The following PPP1R8 variants were observed in gnomAD, a reference collection of about 807,000 sequenced individuals.
The protein encoded by PPP1R8 is nuclear inhibitor of protein phosphatase 1.
Under a neutral mutation model 31.3 loss-of-function variants are expected in PPP1R8, and 4 were observed. The ratio of observed to expected loss-of-function variants is 0.13; its 90% CI spans 0.06 to 0.29. The LOEUF (loss-of-function observed/expected upper bound fraction) is 0.29. PPP1R8 is among the 10% of genes least tolerant of loss of function. PPP1R8 has a pLI of 1.00. For synonymous variants in PPP1R8, 170 were observed against 169.7 expected (o/e 1.00, Z -0.01); for missense variants, 254 against 440.1 (o/e 0.58, Z 3.78).
chr1:27,836,454 C>T (rs1041381063), intron 2 of PPP1R8, among the ~76,000 whole-genome samples: 56 of 152,240 alleles, frequency 3.7e-4, no homozygotes, highest in African/African-American at 1.2e-3. Flanking sequence ...CTTGCTCTGT[C>T]GCCCAGGCTG....
intron 6 of PPP1R8, among the ~76,000 whole-genome samples, chr1:27,849,824 C>A (rs1248708228): frequency 6.6e-6 from 1 of 151,668 alleles, no homozygotes; most frequent in African/African-American, 2.4e-5. Context: ...GTAAAACTCA[C>A]AACACCATCC....
At position 27,851,265 on chromosome 1, in the gene PPP1R8, G is replaced by T. The variant is rs143182010; in HGVS notation, c.*819G>T. On this transcript the variant is annotated 3_prime_UTR_variant, in exon 7 of 7. Coordinates refer to ENST00000311772, the MANE Select transcript of PPP1R8 (RefSeq NM_014110.5). The stretch of plus-strand genomic sequence containing the variant: ...GGGTAATTCAAATTAAAAAGGAAAA[G>T]ATTTGTTTGGAAGTAACTGGTGTCT... 259 of 292,554 alleles carry T rather than the reference G, an allele frequency of 8.9e-4. No individual in the cohort carries two copies. Among genetic ancestry groups the T allele is most frequent in the Admixed American group, 2.3e-3 (54 of 23,050 alleles). 18.1% of individuals were successfully genotyped at this position (292,554 alleles called of 1,614,324 possible). A position where few individuals can be genotyped will look rare whatever the true frequency, so the allele number is the denominator to read the frequency against.
rs756682209 is a variant in PPP1R8, at chr1:27,850,383, G to A, written c.993G>A (p.Lys331=). The change falls in exon 7 of 7, where the codon AAG becomes AAA. Residue 331 remains lysine, a synonymous_variant. Coordinates refer to ENST00000311772, the MANE Select transcript of PPP1R8 (RefSeq NM_014110.5). Reference sequence around the variant, plus strand: ...ACCCTGAAGCTGTAAATGAACCCAAGAAGAAGAAATATGCAAAAGAGGCTT... The same window carrying A: ...ACCCTGAAGCTGTAAATGAACCCAAAAAGAAGAAATATGCAAAAGAGGCTT... ...VYNPEAVNEP[K]KKKYAKEAWP... 6.6e-7 allele frequency: 1 copy of A among 1,515,918 alleles called. No individual in the cohort carries two copies. The highest frequency in any genetic ancestry group is 1.1e-5 in the South Asian group (1 of 89,922). 93.9% of individuals were successfully genotyped at this position (1,515,918 alleles called of 1,614,324 possible).
intron 2 of PPP1R8, among the ~76,000 whole-genome samples, chr1:27,837,424 T>C (rs1450211775): frequency 2.0e-5 from 3 of 146,414 alleles, no homozygotes; most frequent in Non-Finnish European, 4.5e-5. Flanking sequence ...GAGACTCGTC[T>C]CAAAAAAAAA....
Position 27,850,604 on chromosome 1 carries a change from G to A in PPP1R8, c.*158G>A, listed in dbSNP as rs1482356226. 1.5e-6 allele frequency: 1 copy of A among 673,414 alleles called. No individual in the cohort carries two copies. Among genetic ancestry groups the A allele is most frequent in the African/African-American group, 1.8e-5 (1 of 55,230 alleles). 41.7% of individuals were successfully genotyped at this position (673,414 alleles called of 1,614,324 possible). A position where few individuals can be genotyped will look rare whatever the true frequency, so the allele number is the denominator to read the frequency against. On this transcript the variant is annotated 3_prime_UTR_variant, in exon 7 of 7. Transcript: ENST00000311772. ...CATGTAATATGACAATTGGGGGTGGGGTTGAAATAGCCCATAAAGACCTGT... is the reference window on the plus strand; with the variant it reads ...CATGTAATATGACAATTGGGGGTGGAGTTGAAATAGCCCATAAAGACCTGT...
At chr1:27,849,261 C>G (rs1256807405) in intron 6 of PPP1R8, among the ~76,000 whole-genome samples, 1 of 151,572 alleles carries the variant, frequency 6.6e-6, no homozygotes, top group Non-Finnish European at 1.5e-5. Context: ...ATCCCAGCTA[C>G]TCCGGAGGCT....
At chr1:27,837,420 C>T (rs575517084) in intron 2 of PPP1R8, among the ~76,000 whole-genome samples, 2 of 145,004 alleles carry the variant, frequency 1.4e-5, no homozygotes, top group South Asian at 2.2e-4. Context: ...GACAGAGACT[C>T]GTCTCAAAAA....
At chr1:27,841,593 C>G (rs759218742) in intron 4 of PPP1R8, among the ~76,000 whole-genome samples, 2 of 152,194 alleles carry the variant, frequency 1.3e-5, no homozygotes, top group Non-Finnish European at 2.9e-5. Flanking sequence ...AACAATATTT[C>G]AAGTATTATG....
chr1:27,835,896 G>C (rs949356406), intron 2 of PPP1R8, among the ~76,000 whole-genome samples: 1 of 152,220 alleles, frequency 6.6e-6, no homozygotes, highest in African/African-American at 2.4e-5. Flanking sequence ...TAGGGTGGTT[G>C]TGAGGATGAA....
intron 4 of PPP1R8, among the ~76,000 whole-genome samples, chr1:27,842,330 G>A (rs1404610616): frequency 7.7e-6 from 1 of 130,418 alleles, no homozygotes; most frequent in Non-Finnish European, 1.6e-5. Context: ...CAACAAGAGC[G>A]AAACTCCGTC....
chr1:27,843,361 A>C (rs2089240902), intron 5 of PPP1R8, 31 bp downstream of exon 5: 1 of 1,613,942 alleles, frequency 6.2e-7, no homozygotes, highest in South Asian at 1.1e-5. Flanking sequence ...ATTCTGATGA[A>C]AAAGCTGTGG....
rs1213379698 is a variant in PPP1R8, at chr1:27,830,847, C to T, written c.12C>T (p.Ala4=). The T allele has an allele frequency of 4.4e-6, 7 of 1,576,376 alleles. No individual in the cohort carries two copies. The highest frequency in any genetic ancestry group is 4.7e-5 in the East Asian group (2 of 42,634). Residue 4 remains alanine (A), a synonymous_variant, in exon 1 of 7, where the codon GCC becomes GCT. Transcript: ENST00000311772. ...GGGGGAGACGCAAGATGGCGGCAGCCGCGAACTCCGGCTCTAGCCTCCCGC... is the reference window on the plus strand; with the variant it reads ...GGGGGAGACGCAAGATGGCGGCAGCTGCGAACTCCGGCTCTAGCCTCCCGC... MAA[A]ANSGSSLPLF... is the part of the protein sequence containing the mutation.
chr1:27,833,894 C>T (rs1177962081), intron 2 of PPP1R8, among the ~76,000 whole-genome samples: 1 of 152,154 alleles, frequency 6.6e-6, no homozygotes, highest in Non-Finnish European at 1.5e-5. Flanking sequence ...TTAATGATTT[C>T]TCCTGTTATG....
intron 6 of PPP1R8, among the ~76,000 whole-genome samples, chr1:27,847,592 G>T (rs928719402): frequency 1.3e-5 from 2 of 152,024 alleles, no homozygotes; most frequent in Non-Finnish European, 2.9e-5. Context: ...TTAGCTGGGT[G>T]TGGTGGCGCA....
intron 3 of PPP1R8, among the ~76,000 whole-genome samples, chr1:27,840,806 G>A (rs1290648733): frequency 6.6e-6 from 1 of 152,156 alleles, no homozygotes; most frequent in Non-Finnish European, 1.5e-5. Context: ...GGTGGACCCA[G>A]TGCCATTTTC....
At chr1:27,849,209 T>C (rs2089315080) in intron 6 of PPP1R8, among the ~76,000 whole-genome samples, 1 of 151,896 alleles carries the variant, frequency 6.6e-6, no homozygotes, top group Non-Finnish European at 1.5e-5. Flanking sequence ...CTGTCTCTAC[T>C]AAAAATACAA....
At chr1:27,843,115 T>C in intron 4 of PPP1R8, 71 bp from the exon 5 acceptor site, 1 of 1,581,092 alleles carries the variant, frequency 6.3e-7, no homozygotes, top group Non-Finnish European at 8.6e-7. Context: ...CTCACCTTTA[T>C]TTAGTATGAT....
intron 6 of PPP1R8, among the ~76,000 whole-genome samples, chr1:27,849,093 C>T (rs760732093): frequency 9.9e-5 from 15 of 152,034 alleles, no homozygotes; most frequent in Non-Finnish European, 1.6e-4. Flanking sequence ...GACACCAGGT[C>T]GGGCGTGCTG....
chr1:27,836,138 C>T (rs758336630), intron 2 of PPP1R8, among the ~76,000 whole-genome samples: 5 of 152,182 alleles, frequency 3.3e-5, no homozygotes, highest in Non-Finnish European at 7.3e-5. Context: ...GCTATATTTT[C>T]TCAGGGATTT....
Sources: gnomAD v4.1 joint callset for allele counts (sites outside exome capture counted in the v4.1 genomes callset) on GRCh38, gnomAD v4.1.1 for gene constraint, MANE v1.5 for transcripts, NCBI Gene and HGNC (gene_info 2026-07-23, HGNC 2026-07-21) for gene names.